The following NBDY variants were observed in gnomAD, a reference collection of about 807,000 sequenced individuals.
NBDY encodes negative regulator of P-body association.
rs766466853 is a variant in NBDY at position 56,798,329 on chromosome X, GT to G, written c.*167-18990del. ...GTTGGGATCCTTAGCCCTTTGTGAT[GT>G]CATGGGAATCTGTGGCAACGTGGTG... On this transcript the variant is annotated intron_variant, in intron 2 of 2. Transcript: ENST00000374922. Among the ~76,000 whole-genome samples, 50 of 112,221 alleles carry G rather than the reference GT, an allele frequency of 4.5e-4. 1 individual carries two copies. In the East Asian group the frequency reaches 0.011, roughly 25 times the overall value.
intron 2 of NBDY, among the ~76,000 whole-genome samples, chrX:56,758,316 GAA>G (rs757268190): frequency 3.1e-4 from 25 of 81,386 alleles, no homozygotes; most frequent in East Asian, 7.3e-4. Flanking sequence ...ACTCTGTCTC[GAA>G]AAAAAAAAAA....
At chrX:56,785,752 C>T (rs1480767026) in intron 2 of NBDY, among the ~76,000 whole-genome samples, 1 of 111,686 alleles carries the variant, frequency 9.0e-6, no homozygotes, top group Non-Finnish European at 1.9e-5. Flanking sequence ...AGAAGTCACT[C>T]ACAGGGCTGC....
At chrX:56,800,463 G>C (rs2069816571) in intron 2 of NBDY, among the ~76,000 whole-genome samples, 1 of 111,410 alleles carries the variant, frequency 9.0e-6, no homozygotes, top group African/African-American at 3.3e-5. Flanking sequence ...GGTGGGGGCA[G>C]TGTGGAGCAG....
chrX:56,745,749 T>C (rs1407166611), intron 2 of NBDY, among the ~76,000 whole-genome samples: 1 of 110,807 alleles, frequency 9.0e-6, no homozygotes, highest in African/African-American at 3.3e-5. Context: ...TTTCTTGTCC[T>C]TTTTTTGTGA....
chrX:56,816,380 C>T (rs758874280), intron 2 of NBDY, among the ~76,000 whole-genome samples: 8 of 111,202 alleles, frequency 7.2e-5, no homozygotes, highest in African/African-American at 1.6e-4. Flanking sequence ...TTATCTCTAT[C>T]GTAATTTTAA....
At chrX:56,795,640 C>G (rs1470115577) in intron 2 of NBDY, among the ~76,000 whole-genome samples, 1 of 112,320 alleles carries the variant, frequency 8.9e-6, no homozygotes, top group Non-Finnish European at 1.9e-5. Context: ...GCGTGAACCA[C>G]TCTCACAAGA....
chrX:56,755,578 A>C (rs966755718), intron 2 of NBDY, among the ~76,000 whole-genome samples: 2 of 112,253 alleles, frequency 1.8e-5, no homozygotes, highest in African/African-American at 6.5e-5. Context: ...ATGCAAATCA[A>C]AACCACAATG....
chrX:56,795,946 T>G (rs2069789704), intron 2 of NBDY, among the ~76,000 whole-genome samples: 1 of 111,637 alleles, frequency 9.0e-6, no homozygotes, highest in Admixed American at 9.4e-5. Flanking sequence ...CTTTTTCCTG[T>G]CTTCATCTGT....
rs1319789957 is a variant in NBDY, at chrX:56,729,551, G to A, written c.198G>A (p.Pro66=). Residue 66 remains proline, a synonymous_variant, in exon 1 of 3, where the codon CCG becomes CCA. Transcript: ENST00000374922. Reference sequence around the variant, plus strand: ...GCCTGAAGTCGCACCCTCCTCCTCCGGAGAAGTAGAGAAATAAATTTCTCC... The same window carrying A: ...GCCTGAAGTCGCACCCTCCTCCTCCAGAGAAGTAGAGAAATAAATTTCTCC... ...SAGLKSHPPP[P]EK The A allele has an allele frequency of 3.4e-6, 1 of 297,682 alleles. No homozygotes were observed. The highest frequency in any genetic ancestry group is 5.9e-6 in the Non-Finnish European group (1 of 170,265). The allele number at this position is 297,682 out of a possible 1,213,427, so 24.5% of individuals were successfully genotyped here.
intron 2 of NBDY, among the ~76,000 whole-genome samples, chrX:56,765,661 T>C: frequency 9.0e-6 from 1 of 110,530 alleles, no homozygotes; most frequent in Non-Finnish European, 1.9e-5. Context: ...TTCCTCTTCC[T>C]CCTCCTACCC....
At chrX:56,781,245 T>G (rs1295750136) in intron 2 of NBDY, among the ~76,000 whole-genome samples, 1 of 111,936 alleles carries the variant, frequency 8.9e-6, no homozygotes, top group Non-Finnish European at 1.9e-5. Context: ...ACACCTTCAT[T>G]CACAACTGTT....
At chrX:56,737,138 T>C (rs2069499379) in intron 2 of NBDY, 1 of 531,777 alleles carries the variant, frequency 1.9e-6, no homozygotes, top group Non-Finnish European at 3.4e-6. Context: ...ACAATAGACA[T>C]TTATTTAAAG....
chrX:56,811,526 C>T (rs900739482), intron 2 of NBDY, among the ~76,000 whole-genome samples: 2 of 111,896 alleles, frequency 1.8e-5, no homozygotes, highest in Admixed American at 9.4e-5. Context: ...CCACCCAGTT[C>T]GAACTTTCCA....
intron 2 of NBDY, among the ~76,000 whole-genome samples, chrX:56,799,506 A>G (rs1226852193): frequency 8.8e-6 from 1 of 113,085 alleles, no homozygotes; most frequent in Non-Finnish European, 1.9e-5. Context: ...TGGAGTTCCA[A>G]TGGCAGGTAC....
chrX:56,787,445 G>T (rs55766551), intron 2 of NBDY, among the ~76,000 whole-genome samples: 1 of 111,518 alleles, frequency 9.0e-6, no homozygotes, highest in African/African-American at 3.3e-5. Flanking sequence ...CTCTAAATGT[G>T]CAAAGGGGAA....
rs767812811 is a variant in NBDY, at chrX:56,752,798, C to T, written c.*166+20599C>T. Among the ~76,000 whole-genome samples, 64 of 109,779 alleles carry T rather than the reference C, an allele frequency of 5.8e-4. 1 individual carries two copies. The highest frequency in any genetic ancestry group is 9.7e-4 in the Non-Finnish European group (51 of 52,671). On this transcript the variant is annotated intron_variant, in intron 2 of 2. Transcript: ENST00000374922. ...TAATCTCTTGTATTTTTAGTAGAGACGGGGGTTTCACCATGATGGCCAAGC... is the reference window on the plus strand; with the variant it reads ...TAATCTCTTGTATTTTTAGTAGAGATGGGGGTTTCACCATGATGGCCAAGC...
chrX:56,746,604 G>C (rs192418914), intron 2 of NBDY, among the ~76,000 whole-genome samples: 2 of 110,613 alleles, frequency 1.8e-5, no homozygotes, highest in East Asian at 2.9e-4. Context: ...GCTCTGGGGG[G>C]ATATGTCCTG....
rs1259877757 is a variant in NBDY at position 56,814,276 on chromosome X, T to C, written c.*167-3044T>C. 2.7e-5 allele frequency among the ~76,000 whole-genome samples: 3 copies of C among 110,493 alleles called. No homozygotes were observed. In the East Asian group the frequency reaches 8.5e-4, roughly 31 times the overall value. Reference sequence around the variant, plus strand: ...TTTGAGTGGTTATTGAATGGCTTTATTGAATGTTATATGAAATATTTTTTC... The same window carrying C: ...TTTGAGTGGTTATTGAATGGCTTTACTGAATGTTATATGAAATATTTTTTC... On this transcript the variant is annotated intron_variant, in intron 2 of 2. Coordinates refer to ENST00000374922, the MANE Select transcript of NBDY (RefSeq NM_001348129.2).
chrX:56,803,846 C>A (rs2069836413), intron 2 of NBDY, among the ~76,000 whole-genome samples: 2 of 112,106 alleles, frequency 1.8e-5, no homozygotes, highest in Non-Finnish European at 3.8e-5. Context: ...AAGAAAGAAA[C>A]CGGCCAAGGA....
Sources: allele counts gnomAD v4.1 joint callset (sites outside exome capture counted in the v4.1 genomes callset), GRCh38; gene constraint gnomAD v4.1.1; transcripts MANE v1.5; gene names NCBI Gene and HGNC (gene_info 2026-07-23, HGNC 2026-07-21).